ELOA: variants seen among roughly 807,000 people sequenced by gnomAD.
The protein encoded by ELOA is elongin-A.
Under a neutral mutation model 85.2 loss-of-function variants are expected in ELOA, and 15 were observed. The observed-to-expected ratio is 0.18, with a 90% CI of 0.12 to 0.27. The LOEUF is 0.27. Ranked by LOEUF, ELOA falls within the 10% of genes least tolerant of loss-of-function variation. The pLI is 1.00. For synonymous variants in ELOA, 348 were observed against 357.2 expected (o/e 0.97, Z 0.29); for missense variants, 769 against 952.7 (o/e 0.81, Z 2.54).
rs1220904128 is a variant in ELOA, at chr1:23,754,370, T to G, written c.1701T>G (p.Phe567Leu). ...RVLKNNIDSIFEVGGVPYSVL... is the reference protein window; with the variant it reads ...RVLKNNIDSILEVGGVPYSVL... ...CCTTTGGTTTCTCTGCAGCAATCTT[T>G]GAAGTGGGAGGAGTCCCATACTCTG... Residue 567 changes from phenylalanine (F) to leucine (L), a missense_variant, in exon 7 of 11, where the codon TTT becomes TTG. Phe to Leu is a conservative substitution (Grantham distance 22, BLOSUM62 0). This residue lies in a region of ELOA where 193 missense variants were observed against 278.9 expected (regional missense o/e 0.69). Transcript: ENST00000613537. The G allele has an allele frequency of 6.2e-7, 1 of 1,614,094 alleles. No homozygotes were observed.
Position 23,751,444 on chromosome 1 carries a change from A to G in ELOA, c.839A>G (p.Asn280Ser). The G allele has an allele frequency of 6.2e-7, 1 of 1,614,098 alleles. No individual in the cohort carries two copies. Among genetic ancestry groups the G allele is most frequent in the East Asian group, 2.2e-5 (1 of 44,880 alleles). ...CACAAGGCCCTCTCCAAAGAGGAGA[A>G]CCGAAGGCCACCCTCAGGGGACAAT... ...KSHKALSKEE[N>S]RRPPSGDNAR... Residue 280 changes from asparagine (N) to serine (S), a missense_variant, in exon 4 of 11, where the codon AAC becomes AGC. Physicochemically the swap from Asn to Ser is conservative, Grantham distance 46 (BLOSUM62 1). Around this residue, in one of 4 missense-constraint regions of ELOA, gnomAD observed 440 missense variants for 474.0 expected, o/e 0.93. Coordinates refer to ENST00000613537, the MANE Select transcript of ELOA (RefSeq NM_003198.3).
intron 4 of ELOA, 108 bp from the exon 5 acceptor site, chr1:23,752,299 G>A (rs2124460346): frequency 9.0e-7 from 1 of 1,110,280 alleles, no homozygotes; most frequent in Non-Finnish European, 1.3e-6. Flanking sequence ...CCTCCAACCT[G>A]GATCTTCCTG....
At chr1:23,756,512 C>T (rs1329342246) in intron 9 of ELOA, 127 bp downstream of exon 9, 1 of 782,544 alleles carries the variant, frequency 1.3e-6, no homozygotes, top group African/African-American at 1.8e-5. Flanking sequence ...AGGCAGACCT[C>T]ATCAGCTCAG....
chr1:23,756,494 G>A, intron 9 of ELOA, 109 bp downstream of exon 9: 1 of 916,848 alleles, frequency 1.1e-6, no homozygotes, highest in Non-Finnish European at 1.7e-6. Flanking sequence ...GCAGACTGTG[G>A]GCTCTGGAGG....
chr1:23,758,658 C>T (rs1638249154), intron 10 of ELOA, among the ~76,000 whole-genome samples: 2 of 150,390 alleles, frequency 1.3e-5, no homozygotes, highest in South Asian at 2.1e-4. Context: ...TCCCCAGTAT[C>T]CTAAGGGGAT....
At chr1:23,749,124 C>T (rs756192476) in intron 2 of ELOA, 47 bp downstream of exon 2, 2 of 1,489,240 alleles carry the variant, frequency 1.3e-6, no homozygotes, top group Non-Finnish European at 1.9e-6. Flanking sequence ...ATCCCATTCC[C>T]TTCTCACTGG....
At chr1:23,755,817 A>G in intron 7 of ELOA, 26 bp from the exon 8 acceptor site, 1 of 1,573,492 alleles carries the variant, frequency 6.4e-7, no homozygotes, top group Non-Finnish European at 8.6e-7. Flanking sequence ...GCTTGTACAC[A>G]AATGATGTCC....
In ELOA at chr1:23,748,154, G is replaced by A. The variant is rs76094445; in HGVS notation, c.76-867G>A. On this transcript the variant is annotated intron_variant, in intron 1 of 10. Transcript: ENST00000613537. The stretch of plus-strand genomic sequence containing the variant: ...CGATGAATGAAATGATAAGTATTTA[G>A]TGAGCTTTCATAGTGTTCTAGACAC... 1.5e-3 allele frequency among the ~76,000 whole-genome samples: 231 copies of A among 152,298 alleles called. 2 individuals carry two copies. The highest frequency in any genetic ancestry group is 5.4e-3 in the African/African-American group (223 of 41,566).
At position 23,749,182 on chromosome 1, in the gene ELOA, A is replaced by G. The variant is rs576758505; in HGVS notation, c.132+105A>G. On this transcript the variant is annotated intron_variant, in intron 2 of 10. Coordinates refer to ENST00000613537, the MANE Select transcript of ELOA (RefSeq NM_003198.3). The stretch of plus-strand genomic sequence containing the variant: ...AAGTATGGGCTTTGGAAGTGAAAGA[A>G]ACCAGACACAAAAGGCCATATATTG... 114 of 978,642 alleles carry G rather than the reference A, an allele frequency of 1.2e-4. No homozygotes were observed. The African/African-American group carries it at 1.8e-3, about 15-fold the overall frequency. 60.6% of individuals were successfully genotyped at this position (978,642 alleles called of 1,614,324 possible).
chr1:23,745,426 G>A (rs1256140979), intron 1 of ELOA, among the ~76,000 whole-genome samples: 1 of 151,812 alleles, frequency 6.6e-6, no homozygotes, highest in Non-Finnish European at 1.5e-5. Flanking sequence ...TTTAGATTTG[G>A]AAGTAGTTTT....
Position 23,751,575 on chromosome 1 carries a change from C to T in ELOA, c.970C>T (p.His324Tyr). ...TCCCTCAGAGGCCGCTTCAGACAACCACCTGAAAAAGCCAAAGCACAGAGA... is the reference window on the plus strand; with the variant it reads ...TCCCTCAGAGGCCGCTTCAGACAACTACCTGAAAAAGCCAAAGCACAGAGA... ...LPPSEAASDNHLKKPKHRDPE... is the reference protein window; with the variant it reads ...LPPSEAASDNYLKKPKHRDPE... The change falls in exon 4 of 11, where the codon CAC becomes TAC. Residue 324 changes from histidine to tyrosine, a missense_variant. This residue lies in a region of ELOA where 440 missense variants were observed against 474.0 expected (regional missense o/e 0.93). Coordinates refer to ENST00000613537, the MANE Select transcript of ELOA (RefSeq NM_003198.3). 6.2e-7 allele frequency: 1 copy of T among 1,614,174 alleles called. No homozygotes were observed. The highest frequency in any genetic ancestry group is 1.1e-5 in the South Asian group (1 of 91,088).
intron 10 of ELOA, among the ~76,000 whole-genome samples, chr1:23,758,247 A>ATTTTTT (rs1338294015): frequency 1.4e-4 from 8 of 56,782 alleles, no homozygotes; most frequent in African/African-American, 1.8e-4. Context: ...GGGTCTTCCA[A>ATTTTTT]TTTATTTATT....
chr1:23,748,976 T>C, intron 1 of ELOA, 45 bp from the exon 2 acceptor site: 1 of 1,511,364 alleles, frequency 6.6e-7, no homozygotes, highest in African/African-American at 1.4e-5. Context: ...GATATTCTTG[T>C]TAAAGTGAAT....
chr1:23,752,739 T>G (rs1644777219), intron 5 of ELOA, among the ~76,000 whole-genome samples: 1 of 151,954 alleles, frequency 6.6e-6, no homozygotes, highest in Admixed American at 6.6e-5. Context: ...GGTAAGAAGT[T>G]CGAGATTAGC....
At chr1:23,745,433 T>G (rs1644741839) in intron 1 of ELOA, among the ~76,000 whole-genome samples, 1 of 152,200 alleles carries the variant, frequency 6.6e-6, no homozygotes, top group African/African-American at 2.4e-5. Flanking sequence ...TTGGAAGTAG[T>G]TTTTCTATTA....
intron 1 of ELOA, among the ~76,000 whole-genome samples, chr1:23,744,580 G>A (rs908633656): frequency 6.6e-6 from 1 of 152,058 alleles, no homozygotes; most frequent in Non-Finnish European, 1.5e-5. Context: ...AGCCTCCCGA[G>A]TAGCTGGTAT....
At chr1:23,750,379 A>G (rs1644764451) in intron 3 of ELOA, among the ~76,000 whole-genome samples, 1 of 151,922 alleles carries the variant, frequency 6.6e-6, no homozygotes, top group Non-Finnish European at 1.5e-5. Flanking sequence ...GTTTCGCCGT[A>G]TTAGCCAGGA....
chr1:23,760,742 G>C lies in ELOA; in HGVS notation c.*1169G>C, dbSNP rs2148390401. 1 of 152,344 alleles carries C rather than the reference G, an allele frequency of 6.6e-6. No individual in the cohort carries two copies. Among genetic ancestry groups the C allele is most frequent in the East Asian group, 1.9e-4 (1 of 5,188 alleles). The allele number at this position is 152,344 out of a possible 1,614,324, so 9.4% of individuals were successfully genotyped here. A position where few individuals can be genotyped will look rare whatever the true frequency, so the allele number is the denominator to read the frequency against. On this transcript the variant is annotated 3_prime_UTR_variant, in exon 11 of 11. Coordinates refer to ENST00000613537, the MANE Select transcript of ELOA (RefSeq NM_003198.3). ...GTGTGTTTAAGGCAGGATTTGGAGG[G>C]AAGGACCAGCTTAGGGAGAGTGTCT... is the stretch of plus-strand genomic sequence containing the variant.
At chr1:23,748,919 C>CTTA in intron 1 of ELOA, 102 bp from the exon 2 acceptor site, 2 of 874,624 alleles carry the variant, frequency 2.3e-6, no homozygotes, top group Non-Finnish European at 3.7e-6. Flanking sequence ...AGGCATAATA[C>CTTA]TTATACTCAT....
Sources: allele counts gnomAD v4.1 joint callset (sites outside exome capture counted in the v4.1 genomes callset), GRCh38; gene constraint gnomAD v4.1.1; regional missense constraint gnomAD v4.1.1; transcripts MANE v1.5; gene names NCBI Gene and HGNC (gene_info 2026-07-23, HGNC 2026-07-21).